The following ADGRL3 variants were observed in gnomAD, a reference collection of about 807,000 sequenced individuals.
The protein encoded by ADGRL3 is calcium-independent alpha-latrotoxin receptor 3.
Under a neutral mutation model 153.5 loss-of-function variants are expected in ADGRL3, and 62 were observed. The observed-to-expected ratio is 0.40, with a 90% CI of 0.33 to 0.50. The LOEUF is 0.50. Ranked by LOEUF, ADGRL3 falls within the 20% of genes least tolerant of loss-of-function variation. ADGRL3 has a pLI of 0.47. For synonymous variants in ADGRL3, 710 were observed against 672.5 expected (o/e 1.06, Z -0.86); for missense variants, 1,641 against 1,859.4 (o/e 0.88, Z 2.16).
intron 1 of ADGRL3, among the ~76,000 whole-genome samples, chr4:61,271,871 T>C (rs2093202111): frequency 6.6e-6 from 1 of 152,074 alleles, no homozygotes; most frequent in African/African-American, 2.4e-5. Context: ...GAATGGGTGA[T>C]ATATAGTTCC....
intron 2 of ADGRL3, among the ~76,000 whole-genome samples, chr4:61,384,329 T>G (rs910187385): frequency 6.6e-6 from 1 of 151,868 alleles, no homozygotes; most frequent in African/African-American, 2.4e-5. Flanking sequence ...CAGTGTTTTC[T>G]TCTTCACACT....
At chr4:61,550,624 C>T (rs916355603) in intron 4 of ADGRL3, among the ~76,000 whole-genome samples, 1 of 149,636 alleles carries the variant, frequency 6.7e-6, no homozygotes, top group Non-Finnish European at 1.5e-5. Context: ...AGTAGTCAAG[C>T]GAGGATAGCA....
chr4:61,798,207 C>T (rs764042981), intron 8 of ADGRL3, among the ~76,000 whole-genome samples: 9 of 152,016 alleles, frequency 5.9e-5, no homozygotes, highest in African/African-American at 7.3e-5. Context: ...CAAGGGGTAA[C>T]GAGCAACAAT....
At chr4:61,670,466 G>A (rs1349310741) in intron 5 of ADGRL3, among the ~76,000 whole-genome samples, 1 of 152,032 alleles carries the variant, frequency 6.6e-6, no homozygotes, top group Non-Finnish European at 1.5e-5. Context: ...ACATGAGATA[G>A]TGGGCTGCTA....
chr4:61,517,475 A>C lies in ADGRL3; in HGVS notation c.216A>C (p.Gly72=), dbSNP rs1208036002. 1.3e-6 allele frequency: 1 copy of C among 746,010 alleles called. No individual in the cohort carries two copies. The highest frequency in any genetic ancestry group is 2.4e-6 in the Non-Finnish European group (1 of 424,908). The allele number at this position is 746,010 out of a possible 1,614,324, so 46.2% of individuals were successfully genotyped here. The change falls in exon 4 of 27, where the codon GGA becomes GGC. Residue 72 remains glycine, a synonymous_variant. Coordinates refer to ENST00000683033, the MANE Select transcript of ADGRL3 (RefSeq NM_001387552.1). ...AAGGGCCCCGTGGAGCTACCAGAGG[A>C]GTTCGCGGTCCAGGTGCCCAAGGAG... is the stretch of plus-strand genomic sequence containing the variant. ...RGQGPRGATR[G]VRGPGAQGAQ... is the part of the protein sequence containing the mutation.
chr4:61,686,326 A>C lies in ADGRL3; in HGVS notation c.583+9391A>C, dbSNP rs540318785. On this transcript the variant is annotated intron_variant, in intron 6 of 26. Transcript: ENST00000683033. ...GAAAAGATCTTATGTTTTGTGTGAG[A>C]TCTATGAAGTAAATTTCCAGATAAA... 3.9e-5 allele frequency among the ~76,000 whole-genome samples: 6 copies of C among 152,264 alleles called. No homozygotes were observed. The East Asian group carries it at 1.2e-3, about 29-fold the overall frequency.
intron 9 of ADGRL3, among the ~76,000 whole-genome samples, chr4:61,844,546 C>CAAAAAAAAAAAAAAAAAA (rs71604517): frequency 1.1e-4 from 2 of 17,548 alleles, no homozygotes; most frequent in African/African-American, 3.2e-4. Flanking sequence ...GACTGCATCT[C>CAAAAAAAAAAAAAAAAAA]AAAAAAAAAA....
chr4:61,827,978 T>A (rs1438421213), intron 9 of ADGRL3, among the ~76,000 whole-genome samples: 1 of 152,112 alleles, frequency 6.6e-6, no homozygotes, highest in African/African-American at 2.4e-5. Context: ...GGTCACCGGG[T>A]GGTTAGTTAT....
At chr4:61,508,175 T>A (rs2098442271) in intron 3 of ADGRL3, among the ~76,000 whole-genome samples, 1 of 152,154 alleles carries the variant, frequency 6.6e-6, no homozygotes, top group Non-Finnish European at 1.5e-5. Context: ...AAATCTCTAC[T>A]TACTCATTTT....
At position 61,946,235 on chromosome 4, in the gene ADGRL3, C is replaced by T. The variant is rs185708613; in HGVS notation, c.2420-679C>T. On this transcript the variant is annotated intron_variant, in intron 15 of 26. Coordinates refer to ENST00000683033, the MANE Select transcript of ADGRL3 (RefSeq NM_001387552.1). ...ACATCCTTATCAACATTAGTGTGGTCGGTCTTTTCAATTTTAGAGATTCTT... is the reference window on the plus strand; with the variant it reads ...ACATCCTTATCAACATTAGTGTGGTTGGTCTTTTCAATTTTAGAGATTCTT... 2.6e-4 allele frequency among the ~76,000 whole-genome samples: 39 copies of T among 152,158 alleles called. No individual in the cohort carries two copies. In the East Asian group the frequency reaches 7.4e-3, roughly 29 times the overall value.
chr4:61,957,553 T>G lies in ADGRL3; in HGVS notation c.2805+9277T>G, dbSNP rs867339810. On this transcript the variant is annotated intron_variant, in intron 17 of 26. Coordinates refer to ENST00000683033, the MANE Select transcript of ADGRL3 (RefSeq NM_001387552.1). Reference sequence around the variant, plus strand: ...TTCTCTCTTGGTTACATTTATGTATTTATTTATTTATTTATTTATTTATTT... The same window carrying G: ...TTCTCTCTTGGTTACATTTATGTATGTATTTATTTATTTATTTATTTATTT... 4.7e-5 allele frequency among the ~76,000 whole-genome samples: 6 copies of G among 128,702 alleles called. 1 individual carries two copies. Among genetic ancestry groups the G allele is most frequent in the South Asian group, 6.2e-4 (2 of 3,234 alleles). 84.4% of individuals were successfully genotyped at this position (128,702 alleles called of 152,430 possible).
At chr4:61,220,049 A>G (rs531685702) in intron 1 of ADGRL3, among the ~76,000 whole-genome samples, 95 of 151,092 alleles carry the variant, frequency 6.3e-4, no homozygotes, top group African/African-American at 2.2e-3. Flanking sequence ...CGGAGGTTGC[A>G]TTGAGCTGAG....
intron 18 of ADGRL3, 135 bp downstream of exon 18, chr4:61,979,907 T>G: frequency 2.0e-4 from 138 of 707,410 alleles, no homozygotes; most frequent in Non-Finnish European, 2.7e-4. Flanking sequence ...TTTCAGGCCT[T>G]ACTCAGTTTT....
At chr4:61,988,163 T>G (rs1465156108) in intron 19 of ADGRL3, among the ~76,000 whole-genome samples, 3 of 152,158 alleles carry the variant, frequency 2.0e-5, no homozygotes, top group Admixed American at 6.5e-5. Flanking sequence ...CAAATTTGAT[T>G]CTGAGAAGTT....
At position 61,895,704 on chromosome 4, in the gene ADGRL3, A is replaced by G. The variant is rs371825511; in HGVS notation, c.1784-27A>G. Reference sequence around the variant, plus strand: ...TGTGAAGTCATTCTAAGAAAAAGAAACAGATACATTTCTCTCATTATTACA... The same window carrying G: ...TGTGAAGTCATTCTAAGAAAAAGAAGCAGATACATTTCTCTCATTATTACA... On this transcript the variant is annotated intron_variant, in intron 10 of 26. Transcript: ENST00000683033. 6.5e-6 allele frequency: 8 copies of G among 1,230,584 alleles called. No homozygotes were observed. The African/African-American group carries it at 1.1e-4, about 16-fold the overall frequency. The allele number at this position is 1,230,584 out of a possible 1,614,324, so 76.2% of individuals were successfully genotyped here.
chr4:61,799,761 T>C lies in ADGRL3; in HGVS notation c.1400-14048T>C, dbSNP rs2097466804. Among the ~76,000 whole-genome samples, 3 of 152,118 alleles carry C rather than the reference T, an allele frequency of 2.0e-5. No homozygotes were observed. The South Asian group carries it at 6.2e-4, about 32-fold the overall frequency. On this transcript the variant is annotated intron_variant, in intron 8 of 26. Coordinates refer to ENST00000683033, the MANE Select transcript of ADGRL3 (RefSeq NM_001387552.1). ...GATTAACCATGCTAGTATTGTCTTG[T>C]TTGTCTCAGAGGCAGCAACTGTGAG...
intron 1 of ADGRL3, among the ~76,000 whole-genome samples, chr4:61,359,794 A>T (rs939843676): frequency 5.3e-5 from 8 of 152,176 alleles, no homozygotes; most frequent in Non-Finnish European, 1.0e-4. Context: ...CTTTATTCCC[A>T]GTACCTATAA....
At chr4:61,778,648 C>A (rs114317431) in intron 8 of ADGRL3, among the ~76,000 whole-genome samples, 4 of 152,134 alleles carry the variant, frequency 2.6e-5, no homozygotes, top group Non-Finnish European at 5.9e-5. Context: ...TGGGTATATT[C>A]ATCGAACCTT....
intron 1 of ADGRL3, among the ~76,000 whole-genome samples, chr4:61,298,660 A>G (rs999488397): frequency 6.6e-6 from 1 of 152,204 alleles, no homozygotes; most frequent in Non-Finnish European, 1.5e-5. Flanking sequence ...CCATTTCTAC[A>G]TTAAAAATAA....
Sources: gnomAD v4.1 joint callset for allele counts (sites outside exome capture counted in the v4.1 genomes callset) on GRCh38, gnomAD v4.1.1 for gene constraint, MANE v1.5 for transcripts, NCBI Gene and HGNC (gene_info 2026-07-23, HGNC 2026-07-21) for gene names.